Variants in PDE4D observed in about 807,000 individuals in gnomAD.
The protein encoded by PDE4D is 3',5'-cyclic-AMP phosphodiesterase 4D.
A neutral mutation model predicts 87.4 loss-of-function variants in PDE4D; 24 were observed. The ratio of observed to expected loss-of-function variants is 0.27; its 90% CI spans 0.20 to 0.39. The LOEUF is 0.39. Among genes scored for constraint, PDE4D ranks in the 10% least tolerant of loss-of-function variants. The probability of loss-of-function intolerance (pLI) is 1.00; values close to 1 mark genes in which losing one functional copy is unlikely to be tolerated. For synonymous variants in PDE4D, 384 were observed against 383.2 expected (o/e 1.00, Z -0.02); for missense variants, 714 against 1,041.0 (o/e 0.69, Z 4.32).
intron 6 of PDE4D, among the ~76,000 whole-genome samples, chr5:59,009,255 C>CTA (rs1221693200): frequency 1.3e-5 from 2 of 151,994 alleles, no homozygotes; most frequent in African/African-American, 4.8e-5. Context: ...AAACATATGT[C>CTA]TATATAAAGA....
chr5:59,181,806 G>A lies in PDE4D; in HGVS notation c.759-1162C>T, dbSNP rs116471705. Among the ~76,000 whole-genome samples the A allele has an allele frequency of 3.4e-3, 519 of 152,204 alleles. 2 individuals are homozygous for A. Among genetic ancestry groups the A allele is most frequent in the African/African-American group, 8.0e-3 (331 of 41,528 alleles). ...AACGAAGCTGAGATTTGAACTAAAC[G>A]AATGTGATCCTAGGGTCTATGCTCT... On this transcript the variant is annotated intron_variant, in intron 4 of 14. Coordinates refer to ENST00000340635, the MANE Select transcript of PDE4D (RefSeq NM_001104631.2).
intron 1 of PDE4D, among the ~76,000 whole-genome samples, chr5:60,450,264 T>C (rs1745993633): frequency 6.6e-6 from 1 of 152,142 alleles, no homozygotes. Context: ...AAAAGACTTC[T>C]AAACCTGTGA....
intron 5 of PDE4D, among the ~76,000 whole-genome samples, chr5:59,063,916 T>C (rs559885630): frequency 6.6e-6 from 1 of 152,278 alleles, no homozygotes; most frequent in East Asian, 1.9e-4. Context: ...TTTAAACTGA[T>C]GAATATTGTA....
intron 3 of PDE4D, among the ~76,000 whole-genome samples, chr5:59,977,149 G>A (rs537072667): frequency 3.3e-5 from 5 of 152,304 alleles, no homozygotes; most frequent in African/African-American, 1.2e-4. Context: ...GGCTTAGTGA[G>A]GAAGACATGT....
At chr5:59,308,600 G>T (rs1171350205) in intron 1 of PDE4D, among the ~76,000 whole-genome samples, 1 of 151,870 alleles carries the variant, frequency 6.6e-6, no homozygotes, top group Admixed American at 6.6e-5. Context: ...TGAGAAATCT[G>T]CTGTTAATCT....
intron 1 of PDE4D, among the ~76,000 whole-genome samples, chr5:59,671,355 C>T (rs1280153325): frequency 6.6e-6 from 1 of 152,084 alleles, no homozygotes; most frequent in Non-Finnish European, 1.5e-5. Context: ...TCCTGTTTGG[C>T]TAGCTTGATT....
At chr5:59,054,411 G>A (rs1023878271) in intron 5 of PDE4D, among the ~76,000 whole-genome samples, 55 of 152,114 alleles carry the variant, frequency 3.6e-4, no homozygotes, top group African/African-American at 1.3e-3. Context: ...GTGGATGCTG[G>A]CTTTCAGTAA....
chr5:60,480,633 A>G (rs1748658268), intron 1 of PDE4D, among the ~76,000 whole-genome samples: 1 of 152,164 alleles, frequency 6.6e-6, no homozygotes, highest in Non-Finnish European at 1.5e-5. Flanking sequence ...GACAAAAACC[A>G]CAATTACTTT....
intron 1 of PDE4D, among the ~76,000 whole-genome samples, chr5:59,518,477 G>A (rs750527954): frequency 6.6e-6 from 1 of 152,026 alleles, no homozygotes. Flanking sequence ...GAGGAGGGGG[G>A]CAGGACATGA....
intron 1 of PDE4D, among the ~76,000 whole-genome samples, chr5:59,702,394 G>T (rs1752708394): frequency 1.3e-5 from 2 of 152,040 alleles, no homozygotes; most frequent in African/African-American, 4.8e-5. Flanking sequence ...CCAAAGTGCT[G>T]GGATTACAGG....
intron 1 of PDE4D, among the ~76,000 whole-genome samples, chr5:59,356,584 G>T (rs913739496): frequency 1.3e-5 from 2 of 152,164 alleles, no homozygotes; most frequent in East Asian, 3.9e-4. Flanking sequence ...ACTTCTGCAC[G>T]TACCTACATA....
At chr5:60,063,138 GAAAGAAAGAAA>G (rs1562044532) in intron 2 of PDE4D, among the ~76,000 whole-genome samples, 20 of 141,290 alleles carry the variant, frequency 1.4e-4, no homozygotes, top group African/African-American at 5.3e-4. Flanking sequence ...AAGAAAGAAA[GAAAGAAAGAAA>G]GAAAGAAGGA....
intron 2 of PDE4D, among the ~76,000 whole-genome samples, chr5:60,025,089 A>ATATTC (rs567415761): frequency 1.9e-3 from 293 of 152,328 alleles, no homozygotes; most frequent in African/African-American, 6.7e-3. Context: ...AGCATTGTTG[A>ATATTC]ATAATCAAGA....
At chr5:60,185,456 A>G (rs1784705765) in intron 2 of PDE4D, 3 of 667,378 alleles carry the variant, frequency 4.5e-6, no homozygotes, top group African/African-American at 3.6e-5. Context: ...AACGTTTCCC[A>G]CAAGCCTAAT....
At chr5:60,062,458 T>A (rs1562043073) in intron 2 of PDE4D, among the ~76,000 whole-genome samples, 1 of 152,084 alleles carries the variant, frequency 6.6e-6, no homozygotes, top group Non-Finnish European at 1.5e-5. Context: ...CACTTTTTCA[T>A]TGTTGGTGGG....
At chr5:59,535,145 GAA>G (rs567225366) in intron 1 of PDE4D, among the ~76,000 whole-genome samples, 235 of 151,788 alleles carry the variant, frequency 1.5e-3, no homozygotes, top group Middle Eastern at 3.4e-3. Context: ...AGGAACAGGT[GAA>G]AAGTGATATC....
intron 1 of PDE4D, among the ~76,000 whole-genome samples, chr5:60,246,701 T>C (rs982337392): frequency 1.3e-5 from 2 of 151,942 alleles, no homozygotes; most frequent in Non-Finnish European, 2.9e-5. Context: ...TTTTTCATAG[T>C]CTATGTGATA....
intron 1 of PDE4D, among the ~76,000 whole-genome samples, chr5:60,231,110 C>T (rs1361904703): frequency 2.6e-5 from 4 of 151,962 alleles, no homozygotes; most frequent in Admixed American, 1.3e-4. Flanking sequence ...GAAATTAAAA[C>T]TATGTATTTT....
chr5:59,857,300 G>T (rs1473304921), intron 1 of PDE4D, among the ~76,000 whole-genome samples: 1 of 152,144 alleles, frequency 6.6e-6, no homozygotes, highest in Non-Finnish European at 1.5e-5. Context: ...TATCACTTTT[G>T]TTGTACTTTC....
Sources: allele counts gnomAD v4.1 joint callset (sites outside exome capture counted in the v4.1 genomes callset), GRCh38; gene constraint gnomAD v4.1.1; transcripts MANE v1.5; gene names NCBI Gene and HGNC (gene_info 2026-07-23, HGNC 2026-07-21).